Variants in LRRC75A observed in about 807,000 individuals in gnomAD.
LRRC75A encodes the protein leucine-rich repeat-containing protein 75A.
A neutral mutation model predicts 26.0 loss-of-function variants in LRRC75A; 12 were observed. The ratio of observed to expected loss-of-function variants is 0.46; its 90% CI spans 0.30 to 0.75. The LOEUF (loss-of-function observed/expected upper bound fraction) is 0.75, where lower values mean the gene tolerates loss of function less well. LRRC75A is among the 30% of genes least tolerant of loss of function. The pLI, the probability that LRRC75A is intolerant of heterozygous loss-of-function variation, is 0.08. For synonymous variants in LRRC75A, 223 were observed against 219.3 expected (o/e 1.02, Z -0.15); for missense variants, 410 against 486.6 (o/e 0.84, Z 1.48).
chr17:16,458,606 T>C (rs578036725), intron 2 of LRRC75A, among the ~76,000 whole-genome samples: 25 of 152,116 alleles, frequency 1.6e-4, no homozygotes, highest in African/African-American at 2.9e-4. Flanking sequence ...GCTGGGATTA[T>C]AGGCATGCGC....
intron 1 of LRRC75A, among the ~76,000 whole-genome samples, chr17:16,482,523 A>T (rs1281249454): frequency 6.6e-6 from 1 of 152,154 alleles, no homozygotes; most frequent in Non-Finnish European, 1.5e-5. Context: ...CCAGCAGAGC[A>T]GGTCAGGCAA....
At chr17:16,454,706 A>T (rs1319463636) in intron 2 of LRRC75A, among the ~76,000 whole-genome samples, 1 of 151,566 alleles carries the variant, frequency 6.6e-6, no homozygotes, top group Non-Finnish European at 1.5e-5. Context: ...TAAATAAATA[A>T]ATATAATTAA....
chr17:16,468,261 T>C (rs2093784208), intron 1 of LRRC75A, among the ~76,000 whole-genome samples: 1 of 152,216 alleles, frequency 6.6e-6, no homozygotes, highest in African/African-American at 2.4e-5. Flanking sequence ...AGCAGCTATG[T>C]TTCCAGCAGC....
rs752958530 is a variant in LRRC75A, at chr17:16,444,102, G to C, written c.521C>G (p.Pro174Arg). The part of the protein sequence containing the change: ...CLKAVLAGSP[P>R]DNTVDLSGIP... ...TCCCGACAGGTCCACTGTGTTGTCT[G>C]GGGGGCTTCCGGCCAGGACAGCCTT... Residue 174 changes from proline (P) to arginine (R), a missense_variant, in exon 4 of 4, where the codon CCA becomes CGA. Physicochemically the swap from Pro to Arg is moderately radical, Grantham distance 103 (BLOSUM62 -2). Transcript: ENST00000470794. 8.7e-6 allele frequency: 14 copies of C among 1,606,296 alleles called. No homozygotes were observed. Among genetic ancestry groups the C allele is most frequent in the Non-Finnish European group, 1.2e-5 (14 of 1,174,664 alleles).
intron 1 of LRRC75A, among the ~76,000 whole-genome samples, chr17:16,485,640 G>GTGTGTGTGTGTGTC (rs2093844693): frequency 8.0e-6 from 1 of 125,356 alleles, no homozygotes; most frequent in Non-Finnish European, 1.7e-5. Flanking sequence ...CAGTGTGTGT[G>GTGTGTGTGTGTGTC]TGTGTGTGTG....
At chr17:16,447,731 G>A in intron 3 of LRRC75A, 114 bp downstream of exon 3, 1 of 745,264 alleles carries the variant, frequency 1.3e-6, no homozygotes, top group Non-Finnish European at 2.1e-6. Flanking sequence ...CCTTCAGGCA[G>A]CTTCTATGAC....
chr17:16,472,049 T>C (rs1361846363), intron 1 of LRRC75A, among the ~76,000 whole-genome samples: 1 of 152,154 alleles, frequency 6.6e-6, no homozygotes, highest in Non-Finnish European at 1.5e-5. Flanking sequence ...CCTAAAATGG[T>C]TAAAACGGTA....
intron 1 of LRRC75A, among the ~76,000 whole-genome samples, chr17:16,466,841 C>G (rs372807684): frequency 6.6e-6 from 1 of 152,184 alleles, no homozygotes; most frequent in African/African-American, 2.4e-5. Flanking sequence ...TTACACAGGG[C>G]AGTCAGAATG....
chr17:16,459,643 T>C (rs2093712323), intron 2 of LRRC75A, among the ~76,000 whole-genome samples: 1 of 152,198 alleles, frequency 6.6e-6, no homozygotes. Flanking sequence ...AGTATCCAAT[T>C]TACCTTTGGA....
At chr17:16,481,222 C>A (rs1413286017) in intron 1 of LRRC75A, among the ~76,000 whole-genome samples, 1 of 152,152 alleles carries the variant, frequency 6.6e-6, no homozygotes, top group East Asian at 1.9e-4. Context: ...ACACAATGTG[C>A]AAGGCAGCCA....
chr17:16,476,819 A>G lies in LRRC75A; in HGVS notation c.247-14433T>C, dbSNP rs2093821110. On this transcript the variant is annotated intron_variant, in intron 1 of 3. Transcript: ENST00000470794. ...AGTAGCACAATCTCGGCTCACTGCA[A>G]GCTCCGCCTCCCGGGTTCACGCCAT... Among the ~76,000 whole-genome samples, 3 of 146,486 alleles carry G rather than the reference A, an allele frequency of 2.0e-5. No individual in the cohort carries two copies. In the South Asian group the frequency reaches 6.5e-4, roughly 32 times the overall value.
intron 3 of LRRC75A, 32 bp from the exon 4 acceptor site, chr17:16,444,163 C>T: frequency 6.5e-7 from 1 of 1,531,922 alleles, no homozygotes; most frequent in South Asian, 1.2e-5. Context: ...AAGGCTCAGG[C>T]ACATAGGGCA....
Position 16,491,708 on chromosome 17 carries a change from GC to G in LRRC75A, c.246+36del. On this transcript the variant is annotated intron_variant, in intron 1 of 3. Transcript: ENST00000470794. This position sits in a 1 kb window ranked among gnomAD's most constrained non-coding sequence, Gnocchi z 5.9. ...CCCCCCCGGCCCAGCACGCCCCCTG[GC>G]CCGGCGCGCCCCCCGCGCCCCCTCC... The G allele has an allele frequency of 1.5e-6, 2 of 1,291,600 alleles. No homozygotes were observed. Among genetic ancestry groups the G allele is most frequent in the Non-Finnish European group, 9.8e-7 (1 of 1,020,010 alleles). 80.0% of individuals were successfully genotyped at this position (1,291,600 alleles called of 1,614,324 possible). A position where few individuals can be genotyped will look rare whatever the true frequency, so the allele number is the denominator to read the frequency against.
At chr17:16,480,640 A>AC (rs1464712218) in intron 1 of LRRC75A, among the ~76,000 whole-genome samples, 1 of 150,530 alleles carries the variant, frequency 6.6e-6, no homozygotes, top group Non-Finnish European at 1.5e-5. Flanking sequence ...AAAAAAAAAA[A>AC]AACAAAAAAA....
intron 1 of LRRC75A, among the ~76,000 whole-genome samples, chr17:16,473,148 T>TGC (rs1555892379): frequency 6.6e-6 from 1 of 151,498 alleles, no homozygotes; most frequent in African/African-American, 2.4e-5. Context: ...TGTGTGTGTG[T>TGC]GTGCGCGCGC....
chr17:16,469,394 T>C (rs2093793428), intron 1 of LRRC75A, among the ~76,000 whole-genome samples: 2 of 152,234 alleles, frequency 1.3e-5, no homozygotes, highest in African/African-American at 2.4e-5. Context: ...TGGATCGTGC[T>C]GTAGATCATT....
intron 1 of LRRC75A, among the ~76,000 whole-genome samples, chr17:16,487,444 G>A (rs994179118): frequency 3.3e-5 from 5 of 152,138 alleles, no homozygotes; most frequent in African/African-American, 1.2e-4. Context: ...CTCCACTTGA[G>A]GGGTGAGTTA....
intron 1 of LRRC75A, among the ~76,000 whole-genome samples, chr17:16,480,160 C>T (rs2093830291): frequency 6.6e-6 from 1 of 152,246 alleles, no homozygotes; most frequent in Non-Finnish European, 1.5e-5. Flanking sequence ...GCTCAGCGCC[C>T]TCACTGATTC....
chr17:16,442,835 A>G lies in LRRC75A; in HGVS notation c.*753T>C, dbSNP rs2093543891. 6.6e-6 allele frequency: 1 copy of G among 152,238 alleles called. No individual in the cohort carries two copies. Among genetic ancestry groups the G allele is most frequent in the South Asian group, 2.1e-4 (1 of 4,838 alleles). The allele number at this position is 152,238 out of a possible 1,614,324, so 9.4% of individuals were successfully genotyped here. A position where few individuals can be genotyped will look rare whatever the true frequency, so the allele number is the denominator to read the frequency against. On this transcript the variant is annotated 3_prime_UTR_variant, in exon 4 of 4. Transcript: ENST00000470794. ...ATCAGAGCCCACATAGAAGTCTGGT[A>G]GTTTTTCAGCCAGCAGTGGGTAGGG...
Sources: allele counts gnomAD v4.1 joint callset (sites outside exome capture counted in the v4.1 genomes callset), GRCh38; gene constraint gnomAD v4.1.1; non-coding constraint Gnocchi (gnomAD v3.1); transcripts MANE v1.5; gene names NCBI Gene and HGNC (gene_info 2026-07-23, HGNC 2026-07-21).